USP45: variants seen among roughly 807,000 people sequenced by gnomAD.
USP45 encodes ubiquitin carboxyl-terminal hydrolase 45.
In USP45, 89 loss-of-function variants were observed where a neutral mutation model predicts 95.8. The ratio of observed to expected loss-of-function variants is 0.93; its 90% confidence interval spans 0.78 to 1.11. The LOEUF (loss-of-function observed/expected upper bound fraction) is 1.11. Among genes scored for constraint, USP45 ranks in the 50% least tolerant of loss-of-function variants. The pLI, the probability that USP45 is intolerant of heterozygous loss-of-function variation, is 0.00. For missense variants in USP45, 898 were observed against 942.5 expected, an observed-to-expected ratio of 0.95 and a Z score of 0.62; for synonymous variants, 281 against 316.2, an observed-to-expected ratio of 0.89 and a Z score of 1.18.
chr6:99,446,485 A>T (rs772727150), intron 13 of USP45, 22 bp from the exon 14 acceptor site: 1 of 764,570 alleles, frequency 1.3e-6, no homozygotes, highest in African/African-American at 2.8e-5. Flanking sequence ...CAGTGTTTTC[A>T]AAGAAAAGAG....
rs1332710095 is a variant in USP45 at position 99,434,337 on chromosome 6, C to A, written c.*1379G>T. On this transcript the variant is annotated 3_prime_UTR_variant, in exon 18 of 18. Transcript: ENST00000500704. ...CCTTATCTGCAGCCACTATTCTTAT[C>A]CTTTCTTCCCAGGAGGAGAATGAAG... The A allele has an allele frequency of 6.6e-6, 1 of 152,158 alleles. No homozygotes were observed. Among genetic ancestry groups the A allele is most frequent in the Non-Finnish European group, 1.5e-5 (1 of 68,014 alleles). The allele number at this position is 152,158 out of a possible 1,614,324, so 9.4% of individuals were successfully genotyped here. A position where few individuals can be genotyped will look rare whatever the true frequency, so the allele number is the denominator to read the frequency against.
chr6:99,457,088 T>G (rs1489078062), intron 13 of USP45, among the ~76,000 whole-genome samples: 1 of 152,206 alleles, frequency 6.6e-6, no homozygotes, highest in Non-Finnish European at 1.5e-5. Flanking sequence ...CCTAATAATT[T>G]TGGTCAGACC....
chr6:99,504,156 T>G (rs1353894275), intron 4 of USP45, among the ~76,000 whole-genome samples: 1 of 152,226 alleles, frequency 6.6e-6, no homozygotes, highest in Non-Finnish European at 1.5e-5. Flanking sequence ...ATTTTTTATT[T>G]TTGAGACAGA....
intron 5 of USP45, among the ~76,000 whole-genome samples, chr6:99,495,015 G>A (rs1014693315): frequency 2.0e-5 from 3 of 152,126 alleles, no homozygotes; most frequent in African/African-American, 7.2e-5. Context: ...TTCAAAGCAT[G>A]ACCCCAAAGG....
rs1337575430 is a variant in USP45, at chr6:99,433,551, TC to T, written c.*2164del. 1 of 152,400 alleles carries T rather than the reference TC, an allele frequency of 6.6e-6. No homozygotes were observed. The highest frequency in any genetic ancestry group is 1.5e-5 in the Non-Finnish European group (1 of 68,006). The allele number at this position is 152,400 out of a possible 1,614,324, so 9.4% of individuals were successfully genotyped here. A position where few individuals can be genotyped will look rare whatever the true frequency, so the allele number is the denominator to read the frequency against. On this transcript the variant is annotated 3_prime_UTR_variant, in exon 18 of 18. Coordinates refer to ENST00000500704, the MANE Select transcript of USP45 (RefSeq NM_001346022.3). The stretch of plus-strand genomic sequence containing the variant: ...GCTATCTTTAGGAAATTCTTAAGTA[TC>T]AAAAATCCAATTTATTCCATTTTCA...
Position 99,465,118 on chromosome 6 carries a change from G to T in USP45, c.1126C>A (p.Pro376Thr), listed in dbSNP as rs537392808. The change falls in exon 12 of 18, where the codon CCA becomes ACA. Residue 376 changes from proline to threonine, a missense_variant. Coordinates refer to ENST00000500704, the MANE Select transcript of USP45 (RefSeq NM_001346022.3). ...ATAGGAAGTGAAATATCAATGAATG[G>T]ATCTTTCACCGTGGAGATCTTAAAA... ...ECANISTVKDPFIDISLPIIE... is the reference protein window; with the variant it reads ...ECANISTVKDTFIDISLPIIE... The T allele has an allele frequency of 1.4e-5, 23 of 1,593,938 alleles. No individual in the cohort carries two copies. In the African/African-American group the frequency reaches 2.4e-4, roughly 17 times the overall value.
At chr6:99,515,159 C>T (rs1285044878) in intron 1 of USP45, 1 of 152,342 alleles carries the variant, frequency 6.6e-6, no homozygotes, top group African/African-American at 2.4e-5. Flanking sequence ...CCAGGCCAGC[C>T]CCGACGCCCA....
Position 99,432,696 on chromosome 6 carries a change from A to G in USP45, c.*3020T>C, listed in dbSNP as rs12214037. On this transcript the variant is annotated 3_prime_UTR_variant, in exon 18 of 18. Coordinates refer to ENST00000500704, the MANE Select transcript of USP45 (RefSeq NM_001346022.3). ...GCACTAGATACTATCTAAAGGCTCA[A>G]TTTTATTGCACATATTTGGTTTAGG... 19,945 of 152,594 alleles carry G rather than the reference A, an allele frequency of 0.13. 1,861 individuals are homozygous for G. The highest frequency in any genetic ancestry group is 0.18 in the Non-Finnish European group (12,534 of 67,976). 9.5% of individuals were successfully genotyped at this position (152,594 alleles called of 1,614,324 possible). A position where few individuals can be genotyped will look rare whatever the true frequency, so the allele number is the denominator to read the frequency against.
At chr6:99,507,077 T>C (rs1300800387) in intron 4 of USP45, among the ~76,000 whole-genome samples, 1 of 152,110 alleles carries the variant, frequency 6.6e-6, no homozygotes, top group South Asian at 2.1e-4. Context: ...CATGGCGGCA[T>C]GCGCCTGTGG....
At chr6:99,495,382 G>A (rs1796084726) in intron 5 of USP45, among the ~76,000 whole-genome samples, 1 of 152,188 alleles carries the variant, frequency 6.6e-6, no homozygotes, top group Non-Finnish European at 1.5e-5. Context: ...TAAACCAAAA[G>A]TGGGGAACAC....
intron 11 of USP45, 33 bp from the exon 12 acceptor site, chr6:99,465,169 A>G: frequency 6.5e-7 from 1 of 1,544,592 alleles, no homozygotes; most frequent in Non-Finnish European, 8.8e-7. Context: ...AACTTCAGTT[A>G]GAATTCTAAT....
chr6:99,491,506 C>T (rs542578684), intron 5 of USP45, among the ~76,000 whole-genome samples: 1 of 152,066 alleles, frequency 6.6e-6, no homozygotes, highest in Non-Finnish European at 1.5e-5. Flanking sequence ...AAATTAAATC[C>T]AAGCATTACT....
chr6:99,437,362 TAG>T lies in USP45; in HGVS notation c.2196_2197del (p.Tyr733TrpfsTer6), dbSNP rs775058039. ...CGAGCCACTATGTTCCACTATGCCA[TAG>T]AGACCGTAGAGAACTTTATCTCCCA... On this transcript the variant is annotated frameshift_variant, in exon 17 of 18. Coordinates refer to ENST00000500704, the MANE Select transcript of USP45 (RefSeq NM_001346022.3). LOFTEE classifies it high-confidence loss of function. The T allele has an allele frequency of 6.2e-7, 1 of 1,608,002 alleles. No homozygotes were observed. The highest frequency in any genetic ancestry group is 8.5e-7 in the Non-Finnish European group (1 of 1,178,462).
chr6:99,495,875 C>T (rs1796177583), intron 5 of USP45, among the ~76,000 whole-genome samples: 2 of 152,160 alleles, frequency 1.3e-5, no homozygotes, highest in Admixed American at 6.5e-5. Flanking sequence ...ATTAACATCT[C>T]CCTATGTATC....
chr6:99,478,000 G>A (rs1791302929), intron 8 of USP45, among the ~76,000 whole-genome samples: 1 of 152,048 alleles, frequency 6.6e-6, no homozygotes, highest in Non-Finnish European at 1.5e-5. Context: ...ATGACTAGAG[G>A]AGGGAACAGG....
At chr6:99,480,144 C>A (rs893987169) in intron 8 of USP45, among the ~76,000 whole-genome samples, 4 of 152,034 alleles carry the variant, frequency 2.6e-5, no homozygotes, top group Admixed American at 2.6e-4. Context: ...AAAAAGAGTA[C>A]CATTTACAAT....
At chr6:99,461,733 A>C (rs1303495153) in intron 13 of USP45, 2 of 985,134 alleles carry the variant, frequency 2.0e-6, no homozygotes, top group Non-Finnish European at 2.4e-6. Context: ...CTTATGATCA[A>C]ATCAGTACTT....
intron 9 of USP45, among the ~76,000 whole-genome samples, chr6:99,471,858 C>A (rs1259625012): frequency 6.6e-6 from 1 of 152,154 alleles, no homozygotes; most frequent in African/African-American, 2.4e-5. Context: ...CCAGGCCAGA[C>A]AATGCAGCTC....
chr6:99,500,381 C>T (rs556354238), intron 5 of USP45, among the ~76,000 whole-genome samples: 2 of 152,304 alleles, frequency 1.3e-5, no homozygotes, highest in Admixed American at 1.3e-4. Context: ...GACTTGGGCT[C>T]CCAAAGTGCT....
Sources: gnomAD v4.1 joint callset for allele counts (sites outside exome capture counted in the v4.1 genomes callset) on GRCh38, gnomAD v4.1.1 for gene constraint, MANE v1.5 for transcripts, NCBI Gene and HGNC (gene_info 2026-07-23, HGNC 2026-07-21) for gene names.